Variants in PRKD1 observed in about 807,000 individuals in gnomAD.
PRKD1 encodes serine/threonine-protein kinase D1.
PRKD1 carries 63 observed loss-of-function variants against 95.9 expected under a neutral mutation model. That is an observed-to-expected ratio of 0.66 (90% CI 0.54 to 0.81). The LOEUF is 0.81. Ranked by LOEUF, PRKD1 falls within the 30% of genes least tolerant of loss-of-function variation. The pLI is 0.00. For missense variants in PRKD1, 1,048 were observed against 1,165.3 expected (o/e 0.90, Z 1.47); for synonymous variants, 425 against 423.1 (o/e 1.00, Z -0.05).
chr14:29,783,765 T>C (rs140216366), intron 1 of PRKD1, among the ~76,000 whole-genome samples: 15 of 152,318 alleles, frequency 9.8e-5, no homozygotes, highest in Non-Finnish European at 2.1e-4. Flanking sequence ...TTTTCTTCTG[T>C]CTGTTGGCCA....
chr14:29,862,910 T>G (rs771573391), intron 1 of PRKD1, among the ~76,000 whole-genome samples: 20 of 152,198 alleles, frequency 1.3e-4, no homozygotes, highest in South Asian at 4.1e-4. Flanking sequence ...CCTGTGCTTA[T>G]GGGGTATTAC....
chr14:29,611,604 C>A (rs1316477454), intron 13 of PRKD1, among the ~76,000 whole-genome samples: 1 of 152,062 alleles, frequency 6.6e-6, no homozygotes, highest in African/African-American at 2.4e-5. Context: ...GGCCACAAAA[C>A]AGAAAATTAA....
intron 1 of PRKD1, among the ~76,000 whole-genome samples, chr14:29,881,187 T>C (rs1893498048): frequency 6.6e-6 from 1 of 152,166 alleles, no homozygotes. Flanking sequence ...AGAATTCCCA[T>C]GTGTTGTGGA....
intron 1 of PRKD1, among the ~76,000 whole-genome samples, chr14:29,897,086 T>G (rs1894160367): frequency 6.6e-6 from 1 of 152,018 alleles, no homozygotes; most frequent in Non-Finnish European, 1.5e-5. Context: ...AAGAGTATCT[T>G]TCTAGATTTC....
chr14:29,599,182 T>C, intron 14 of PRKD1, 57 bp from the exon 15 acceptor site: 1 of 1,488,520 alleles, frequency 6.7e-7, no homozygotes, highest in Non-Finnish European at 9.3e-7. Flanking sequence ...AAATGTCTTC[T>C]ACCAGTTAAA....
intron 2 of PRKD1, among the ~76,000 whole-genome samples, chr14:29,675,724 G>A (rs955163957): frequency 2.0e-5 from 3 of 151,958 alleles, no homozygotes; most frequent in Admixed American, 1.3e-4. Context: ...GACTTGGAAC[G>A]AACCCAAATG....
At chr14:29,619,111 C>A (rs146692473) in intron 13 of PRKD1, among the ~76,000 whole-genome samples, 1 of 152,174 alleles carries the variant, frequency 6.6e-6, no homozygotes, top group African/African-American at 2.4e-5. Flanking sequence ...AATTTTATTT[C>A]TCAAGATTAG....
intron 8 of PRKD1, among the ~76,000 whole-genome samples, chr14:29,633,647 C>T (rs748366511): frequency 2.6e-5 from 4 of 152,098 alleles, no homozygotes; most frequent in South Asian, 4.1e-4. Context: ...TCTATGATTC[C>T]GCTCTTCTCC....
At chr14:29,647,843 C>T (rs1043932615) in intron 4 of PRKD1, among the ~76,000 whole-genome samples, 9 of 152,156 alleles carry the variant, frequency 5.9e-5, no homozygotes, top group African/African-American at 1.9e-4. Context: ...TCCTGAAAGA[C>T]TGAGCACCGG....
At chr14:29,654,786 T>C in intron 4 of PRKD1, among the ~76,000 whole-genome samples, 1 of 152,190 alleles carries the variant, frequency 6.6e-6, no homozygotes, top group East Asian at 1.9e-4. Context: ...CATGGAGCAA[T>C]GGCCAGGTTT....
chr14:29,649,772 T>C (rs1258275592), intron 4 of PRKD1, among the ~76,000 whole-genome samples: 1 of 152,228 alleles, frequency 6.6e-6, no homozygotes, highest in East Asian at 1.9e-4. Flanking sequence ...ATAAAGCCTT[T>C]TTTAAAGTTT....
intron 1 of PRKD1, among the ~76,000 whole-genome samples, chr14:29,916,830 A>G (rs1227018890): frequency 6.6e-6 from 1 of 152,180 alleles, no homozygotes; most frequent in African/African-American, 2.4e-5. Flanking sequence ...TTCCCGTGGC[A>G]AAGAAGTCAC....
intron 1 of PRKD1, among the ~76,000 whole-genome samples, chr14:29,758,018 G>A (rs147581916): frequency 3.3e-5 from 5 of 152,148 alleles, no homozygotes; most frequent in African/African-American, 9.6e-5. Context: ...CATGAGGAAC[G>A]GTTCTAAGGA....
intron 1 of PRKD1, among the ~76,000 whole-genome samples, chr14:29,768,858 A>AT: frequency 6.6e-6 from 1 of 152,030 alleles, no homozygotes; most frequent in East Asian, 1.9e-4. Flanking sequence ...GTTTTAAAAG[A>AT]TTTTCCCTCC....
At chr14:29,683,842 C>T (rs1883683594) in intron 2 of PRKD1, among the ~76,000 whole-genome samples, 1 of 152,178 alleles carries the variant, frequency 6.6e-6, no homozygotes, top group East Asian at 1.9e-4. Context: ...ATTTTTGTGT[C>T]ATCGTCAATC....
At chr14:29,772,250 C>T (rs1438419334) in intron 1 of PRKD1, among the ~76,000 whole-genome samples, 2 of 152,096 alleles carry the variant, frequency 1.3e-5, no homozygotes, top group African/African-American at 2.4e-5. Context: ...ATGTTGAAAC[C>T]TAATCCCCAA....
At chr14:29,636,146 C>T in intron 7 of PRKD1, 144 bp downstream of exon 7, 3 of 993,606 alleles carry the variant, frequency 3.0e-6, no homozygotes, top group Non-Finnish European at 4.5e-6. Context: ...CAAAGGCTCT[C>T]ATTTACAGCA....
intron 1 of PRKD1, among the ~76,000 whole-genome samples, chr14:29,907,949 T>C (rs1016043296): frequency 6.6e-6 from 1 of 152,206 alleles, no homozygotes; most frequent in African/African-American, 2.4e-5. Flanking sequence ...AGCCAGTTCT[T>C]ACTAAAGAAG....
intron 1 of PRKD1, among the ~76,000 whole-genome samples, chr14:29,850,239 TAGAAAA>T (rs1050163146): frequency 3.3e-5 from 5 of 151,936 alleles, no homozygotes; most frequent in Non-Finnish European, 5.9e-5. Flanking sequence ...GGCATCAAAA[TAGAAAA>T]AGAAAAAGAA....
Sources: gnomAD v4.1 joint callset for allele counts (sites outside exome capture counted in the v4.1 genomes callset) on GRCh38, gnomAD v4.1.1 for gene constraint, MANE v1.5 for transcripts, NCBI Gene and HGNC (gene_info 2026-07-23, HGNC 2026-07-21) for gene names.